MARCHF1: variants seen among roughly 807,000 people sequenced by gnomAD.
The protein encoded by MARCHF1 is membrane associated ring-CH-type finger 1, also known as E3 ubiquitin-protein ligase MARCHF1.
In MARCHF1, 40 loss-of-function variants were observed where a neutral mutation model predicts 54.2. The observed-to-expected ratio is 0.74, with a 90% CI of 0.57 to 0.96. MARCHF1 has a LOEUF of 0.96. Ranked by LOEUF, MARCHF1 falls within the 40% of genes least tolerant of loss-of-function variation. The pLI, the probability that MARCHF1 is intolerant of heterozygous loss-of-function variation, is 0.00. For missense variants in MARCHF1, 586 were observed against 656.5 expected (o/e 0.89, Z 1.17); for synonymous variants, 236 against 236.3 (o/e 1.00, Z 0.01).
At chr4:164,275,087 A>G (rs1196828000) in intron 1 of MARCHF1, among the ~76,000 whole-genome samples, 1 of 151,500 alleles carries the variant, frequency 6.6e-6, no homozygotes, top group Non-Finnish European at 1.5e-5. Flanking sequence ...ATAAAAATAT[A>G]AAGGAATAAT....
At chr4:163,877,068 C>A (rs1402571584) in intron 3 of MARCHF1, among the ~76,000 whole-genome samples, 1 of 152,064 alleles carries the variant, frequency 6.6e-6, no homozygotes, top group Non-Finnish European at 1.5e-5. Context: ...CTTATATCTC[C>A]ACAGGTTTCT....
chr4:163,734,180 G>A (rs1199576691), intron 4 of MARCHF1, among the ~76,000 whole-genome samples: 1 of 152,148 alleles, frequency 6.6e-6, no homozygotes, highest in Non-Finnish European at 1.5e-5. Flanking sequence ...ACCATTACAA[G>A]TGTTGGCAAG....
At chr4:164,119,608 C>A (rs1246603658) in intron 1 of MARCHF1, among the ~76,000 whole-genome samples, 1 of 151,454 alleles carries the variant, frequency 6.6e-6, no homozygotes, top group African/African-American at 2.4e-5. Context: ...CAAACTAATA[C>A]ATAAAATAAA....
At chr4:164,382,900 A>C (rs757429184) in intron 1 of MARCHF1, among the ~76,000 whole-genome samples, 12 of 152,212 alleles carry the variant, frequency 7.9e-5, no homozygotes, top group Non-Finnish European at 4.4e-5. Context: ...AATGTTTAGC[A>C]AGCAAATCTT....
chr4:163,709,162 TAAC>T (rs1745033950), intron 4 of MARCHF1, among the ~76,000 whole-genome samples: 1 of 152,200 alleles, frequency 6.6e-6, no homozygotes, highest in Admixed American at 6.5e-5. Context: ...TCTTGGCTAT[TAAC>T]ACTGCAATCT....
rs200553850 is a variant in MARCHF1, at chr4:164,259,561, A to G, written c.-323+124309T>C. 1.1e-3 allele frequency among the ~76,000 whole-genome samples: 130 copies of G among 115,766 alleles called. 5 individuals carry two copies. The highest frequency in any genetic ancestry group is 1.2e-3 in the Non-Finnish European group (73 of 58,854). 75.9% of individuals were successfully genotyped at this position (115,766 alleles called of 152,430 possible). On this transcript the variant is annotated intron_variant, in intron 1 of 9. Transcript: ENST00000514618. Reference sequence around the variant, plus strand: ...CCGTGTCTCAAAAAAAAAAAAAAAAAAAAAGAAAAAAGAAAAAGAAAAAAG... The same window carrying G: ...CCGTGTCTCAAAAAAAAAAAAAAAAGAAAAGAAAAAAGAAAAAGAAAAAAG...
intron 4 of MARCHF1, among the ~76,000 whole-genome samples, chr4:163,716,557 T>C (rs1186018321): frequency 6.6e-6 from 1 of 152,228 alleles, no homozygotes; most frequent in Non-Finnish European, 1.5e-5. Flanking sequence ...TTATTATTAA[T>C]ACACGCCTTT....
intron 5 of MARCHF1, among the ~76,000 whole-genome samples, chr4:163,622,937 A>G (rs1261609909): frequency 6.6e-6 from 1 of 152,202 alleles, no homozygotes; most frequent in Admixed American, 6.5e-5. Context: ...GAGAGGCCCT[A>G]GAAAGCCAGC....
intron 3 of MARCHF1, among the ~76,000 whole-genome samples, chr4:163,876,250 T>A (rs1378802198): frequency 6.6e-6 from 1 of 152,148 alleles, no homozygotes; most frequent in East Asian, 1.9e-4. Context: ...AATTACTATG[T>A]CTAAGATACA....
chr4:164,093,871 C>T (rs1222442032), intron 2 of MARCHF1, among the ~76,000 whole-genome samples: 1 of 152,076 alleles, frequency 6.6e-6, no homozygotes, highest in Non-Finnish European at 1.5e-5. Flanking sequence ...GTTGCTTTAT[C>T]TTTTCTTCTC....
In MARCHF1 at chr4:164,159,045, C is replaced by CTT. The variant is rs1730159185; in HGVS notation, c.-322-47384_-322-47383insAA. Among the ~76,000 whole-genome samples the CTT allele has an allele frequency of 2.0e-5, 3 of 152,160 alleles. No homozygotes were observed. The South Asian group carries it at 6.2e-4, about 32-fold the overall frequency. On this transcript the variant is annotated intron_variant, in intron 1 of 9. Coordinates refer to ENST00000514618, the MANE Select transcript of MARCHF1 (RefSeq NM_001394959.1). ...AGTAACAGCACTGTGGTTAAGAACACAGGCTCTGCAATTAGACAAACTTTT... is the reference window on the plus strand; with the variant it reads ...AGTAACAGCACTGTGGTTAAGAACACTTAGGCTCTGCAATTAGACAAACTTTT...
intron 7 of MARCHF1, among the ~76,000 whole-genome samples, chr4:163,599,456 C>T (rs1444150425): frequency 1.3e-5 from 2 of 151,776 alleles, no homozygotes; most frequent in Non-Finnish European, 2.9e-5. Context: ...CAAGCAAACA[C>T]GTATGTGCAT....
intron 1 of MARCHF1, among the ~76,000 whole-genome samples, chr4:164,318,865 A>T (rs948181283): frequency 6.6e-6 from 1 of 152,234 alleles, no homozygotes; most frequent in Non-Finnish European, 1.5e-5. Flanking sequence ...ACTAATCTAT[A>T]TCATTTGTAA....
At chr4:164,022,340 C>G (rs897673938) in intron 2 of MARCHF1, among the ~76,000 whole-genome samples, 1 of 152,094 alleles carries the variant, frequency 6.6e-6, no homozygotes. Context: ...TGAGACAGAC[C>G]AAAATATAGA....
At chr4:163,665,023 G>A (rs1052934890) in intron 5 of MARCHF1, among the ~76,000 whole-genome samples, 2 of 151,976 alleles carry the variant, frequency 1.3e-5, no homozygotes, top group African/African-American at 4.8e-5. Flanking sequence ...TTTTTTGGAG[G>A]AGGGGTCTAC....
intron 1 of MARCHF1, among the ~76,000 whole-genome samples, chr4:164,117,729 A>G (rs185591805): frequency 1.1e-4 from 16 of 152,078 alleles, no homozygotes; most frequent in African/African-American, 3.6e-4. Flanking sequence ...GAGAAACTCC[A>G]TCTCTCCTAA....
chr4:164,140,819 C>G (rs1756514449), intron 1 of MARCHF1, among the ~76,000 whole-genome samples: 1 of 152,036 alleles, frequency 6.6e-6, no homozygotes, highest in African/African-American at 2.4e-5. Context: ...TCATGCTACA[C>G]CTAGATGCCT....
chr4:163,850,197 C>T (rs920305368), intron 4 of MARCHF1, among the ~76,000 whole-genome samples: 6 of 152,292 alleles, frequency 3.9e-5, no homozygotes, highest in African/African-American at 1.2e-4. Flanking sequence ...ACCACCACCC[C>T]AGATGTATAA....
At chr4:164,027,286 T>TAAGC (rs928713688) in intron 2 of MARCHF1, among the ~76,000 whole-genome samples, 6 of 129,726 alleles carry the variant, frequency 4.6e-5, no homozygotes, top group Non-Finnish European at 9.4e-5. Context: ...AAAGCAATCC[T>TAAGC]AAGCATAAAG....
Sources: allele counts gnomAD v4.1 joint callset (sites outside exome capture counted in the v4.1 genomes callset), GRCh38; gene constraint gnomAD v4.1.1; transcripts MANE v1.5; gene names NCBI Gene and HGNC (gene_info 2026-07-23, HGNC 2026-07-21).